LIPK: variants seen among roughly 807,000 people sequenced by gnomAD.
LIPK encodes lipase family member K, also known as lipase member K.
In LIPK, 32 loss-of-function variants were observed where a neutral mutation model predicts 48.6. The ratio of observed to expected loss-of-function variants is 0.66; its 90% CI spans 0.50 to 0.88. LIPK has a LOEUF of 0.88. LIPK is among the 40% of genes least tolerant of loss of function. The pLI is 0.00. For missense variants in LIPK, 507 were observed against 478.5 expected (o/e 1.06, Z -0.56); for synonymous variants, 164 against 157.4 (o/e 1.04, Z -0.32).
Position 88,731,248 on chromosome 10 carries a change from A to AT in LIPK, c.422+74dup, listed in dbSNP as rs914938152. 20 of 1,280,928 alleles carry AT rather than the reference A, an allele frequency of 1.6e-5. No homozygotes were observed. In the South Asian group the frequency reaches 1.6e-4, roughly 10 times the overall value. 79.3% of individuals were successfully genotyped at this position (1,280,928 alleles called of 1,614,324 possible). The stretch of plus-strand genomic sequence containing the variant: ...CATGCATATGTATGAACACCTAGTG[A>AT]TTTTTTTCCTGTTTTGTGTCCAAAT... On this transcript the variant is annotated intron_variant, in intron 4 of 9. Coordinates refer to ENST00000404190, the MANE Select transcript of LIPK (RefSeq NM_001080518.2).
At chr10:88,712,322 A>AT (rs1219196648) in intron 1 of LIPK, among the ~76,000 whole-genome samples, 4 of 152,124 alleles carry the variant, frequency 2.6e-5, no homozygotes, top group African/African-American at 7.2e-5. Flanking sequence ...TGTTTCAGTA[A>AT]TTTTTTTAGC....
rs185426897 is a variant in LIPK, at chr10:88,752,541, A to C, written c.985A>C (p.Thr329Pro). Residue 329 changes from threonine (T) to proline (P), a missense_variant, in exon 10 of 10, where the codon ACT (threonine) becomes CCT (proline). Thr to Pro is a conservative substitution (Grantham distance 38, BLOSUM62 -1). Coordinates refer to ENST00000404190, the MANE Select transcript of LIPK (RefSeq NM_001080518.2). ...GCTTACACCTCCTTTATACAACATT[A>C]CTAAGATGGAAGTTCCAACAGCAAT... ...HQLTPPLYNI[T>P]KMEVPTAIWN... 8 of 1,556,220 alleles carry C rather than the reference A, an allele frequency of 5.1e-6. No individual in the cohort carries two copies. In the South Asian group the frequency reaches 9.4e-5, roughly 18 times the overall value.
chr10:88,711,003 C>T (rs1480096316), intron 1 of LIPK, among the ~76,000 whole-genome samples: 1 of 152,142 alleles, frequency 6.6e-6, no homozygotes, highest in African/African-American at 2.4e-5. Flanking sequence ...AGTGAGTATG[C>T]AGTAGTATCT....
At chr10:88,744,146 C>T (rs1014958575) in intron 9 of LIPK, among the ~76,000 whole-genome samples, 9 of 152,156 alleles carry the variant, frequency 5.9e-5, no homozygotes, top group Non-Finnish European at 1.0e-4. Flanking sequence ...TGTCTGCTGG[C>T]CTTTCTCAGG....
At chr10:88,745,175 G>A (rs532434099) in intron 9 of LIPK, among the ~76,000 whole-genome samples, 24 of 144,836 alleles carry the variant, frequency 1.7e-4, no homozygotes, top group South Asian at 6.8e-4. Flanking sequence ...CTGAAAGAGA[G>A]GAAGAGAGAG....
intron 3 of LIPK, chr10:88,727,931 TG>T: frequency 2.7e-6 from 1 of 369,216 alleles, no homozygotes; most frequent in Non-Finnish European, 5.3e-6. Context: ...TGGGAGAACG[TG>T]GACAACATGG....
chr10:88,718,376 T>G (rs1842159575), intron 1 of LIPK, among the ~76,000 whole-genome samples: 1 of 149,104 alleles, frequency 6.7e-6, no homozygotes, highest in Non-Finnish European at 1.5e-5. Context: ...AATTATATAT[T>G]ATATATATAA....
intron 1 of LIPK, among the ~76,000 whole-genome samples, chr10:88,716,357 T>TC: frequency 1.9e-4 from 2 of 10,380 alleles, no homozygotes; most frequent in South Asian, 9.5e-3. Flanking sequence ...GGAAAATTTC[T>TC]TTTTTTTTTT....
intron 8 of LIPK, among the ~76,000 whole-genome samples, chr10:88,742,255 C>A (rs1479704816): frequency 5.9e-5 from 9 of 152,226 alleles, no homozygotes; most frequent in Non-Finnish European, 1.3e-4. Flanking sequence ...CAAACCAAAT[C>A]ATCAGATTTG....
intron 1 of LIPK, among the ~76,000 whole-genome samples, chr10:88,712,157 G>C (rs1842037974): frequency 6.6e-6 from 1 of 152,112 alleles, no homozygotes; most frequent in Non-Finnish European, 1.5e-5. Context: ...GATTTGTTTT[G>C]TAATTTTCAG....
At chr10:88,742,212 A>G (rs528977469) in intron 8 of LIPK, among the ~76,000 whole-genome samples, 1 of 152,186 alleles carries the variant, frequency 6.6e-6, no homozygotes, top group African/African-American at 2.4e-5. Context: ...TGTGGTTACA[A>G]TTAGAGATGA....
Position 88,732,298 on chromosome 10 carries a change from GGC to G in LIPK, c.532+12_532+13del, listed in dbSNP as rs1171053489. The G allele has an allele frequency of 6.2e-7, 1 of 1,608,684 alleles. No homozygotes were observed. Among genetic ancestry groups the G allele is most frequent in the Non-Finnish European group, 8.5e-7 (1 of 1,177,116 alleles). On this transcript the variant is annotated intron_variant, in intron 5 of 9. Coordinates refer to ENST00000404190, the MANE Select transcript of LIPK (RefSeq NM_001080518.2). ...AAGGCACCACCATAGGTGTGTTTGGGGCAGATGTGATCAGAGAATGTCAGGGG... is the reference window on the plus strand; with the variant it reads ...AAGGCACCACCATAGGTGTGTTTGGGAGATGTGATCAGAGAATGTCAGGGG...
At chr10:88,720,958 TGAG>T (rs938525061) in intron 1 of LIPK, among the ~76,000 whole-genome samples, 27 of 151,988 alleles carry the variant, frequency 1.8e-4, no homozygotes, top group African/African-American at 6.3e-4. Flanking sequence ...TGATTTAATC[TGAG>T]TACTTGCAAC....
intron 1 of LIPK, among the ~76,000 whole-genome samples, chr10:88,709,376 CT>C (rs2134675834): frequency 6.6e-6 from 1 of 152,240 alleles, no homozygotes; most frequent in Admixed American, 6.5e-5. Flanking sequence ...CGGTGGTTTG[CT>C]GCACCTATCA....
chr10:88,746,429 C>G (rs766297243), intron 9 of LIPK, among the ~76,000 whole-genome samples: 6 of 152,052 alleles, frequency 3.9e-5, no homozygotes, highest in Non-Finnish European at 8.8e-5. Flanking sequence ...ACTATGTACA[C>G]TCATGAATCA....
At chr10:88,748,770 T>C (rs1167956659) in intron 9 of LIPK, among the ~76,000 whole-genome samples, 4 of 152,170 alleles carry the variant, frequency 2.6e-5, no homozygotes, top group Non-Finnish European at 5.9e-5. Context: ...CTATTGAGCA[T>C]AGTACTGGAA....
At chr10:88,744,369 G>A (rs1467746886) in intron 9 of LIPK, among the ~76,000 whole-genome samples, 11 of 152,200 alleles carry the variant, frequency 7.2e-5, no homozygotes, top group Non-Finnish European at 1.5e-4. Context: ...CCACCACCAC[G>A]ATGAAGTGCT....
At position 88,732,498 on chromosome 10, in the gene LIPK, T is replaced by C. The variant is rs779018181; in HGVS notation, c.616T>C (p.Tyr206His). 22 of 1,613,716 alleles carry C rather than the reference T, an allele frequency of 1.4e-5. No homozygotes were observed. Among genetic ancestry groups the C allele is most frequent in the Non-Finnish European group, 1.8e-5 (21 of 1,179,830 alleles). Residue 206 changes from tyrosine to histidine, a missense_variant, in exon 6 of 10, where the codon TAC becomes CAC. Coordinates refer to ENST00000404190, the MANE Select transcript of LIPK (RefSeq NM_001080518.2). ...ACTGGCTCCAGTTGTCACAGTTAAA[T>C]ACACCCAAAGTCCTATGAAAAAACT... ...FALAPVVTVKYTQSPMKKLTT... is the reference protein window; with the variant it reads ...FALAPVVTVKHTQSPMKKLTT...
At chr10:88,736,558 G>C (rs1282129782) in intron 6 of LIPK, among the ~76,000 whole-genome samples, 1 of 152,132 alleles carries the variant, frequency 6.6e-6, no homozygotes, top group Non-Finnish European at 1.5e-5. Context: ...AATAATTAAA[G>C]TAAAAGGCAG....
Sources: gnomAD v4.1 joint callset for allele counts (sites outside exome capture counted in the v4.1 genomes callset) on GRCh38, gnomAD v4.1.1 for gene constraint, MANE v1.5 for transcripts, NCBI Gene and HGNC (gene_info 2026-07-23, HGNC 2026-07-21) for gene names.